PAK3: variants seen among roughly 807,000 people sequenced by gnomAD.
PAK3 encodes the protein serine/threonine-protein kinase PAK 3.
In PAK3, 4 loss-of-function variants were observed where a neutral mutation model predicts 41.0. The ratio of observed to expected loss-of-function variants is 0.10; its 90% confidence interval spans 0.05 to 0.22. The LOEUF (loss-of-function observed/expected upper bound fraction) is 0.22, where lower values mean the gene tolerates loss of function less well. Among genes scored for constraint, PAK3 ranks in the 10% least tolerant of loss-of-function variants. The pLI is 1.00. For synonymous variants in PAK3, 146 were observed against 139.6 expected, an observed-to-expected ratio of 1.05 and a Z score of -0.32; for missense variants, 205 against 409.9, an observed-to-expected ratio of 0.50 and a Z score of 4.32.
At chrX:111,034,376 G>A (rs1477754263) in intron 1 of PAK3, among the ~76,000 whole-genome samples, 1 of 111,649 alleles carries the variant, frequency 9.0e-6, no homozygotes, top group African/African-American at 3.3e-5. Context: ...CCATAAGCAA[G>A]ACTATGGCCC....
At chrX:111,200,191 C>A (rs1253068486) in intron 16 of PAK3, among the ~76,000 whole-genome samples, 1 of 110,993 alleles carries the variant, frequency 9.0e-6, no homozygotes, top group Non-Finnish European at 1.9e-5. Flanking sequence ...ATAAAGCTTG[C>A]AAAATCCATG....
intron 1 of PAK3, among the ~76,000 whole-genome samples, chrX:111,066,994 T>C (rs149507930): frequency 1.8e-5 from 2 of 112,113 alleles, no homozygotes; most frequent in Non-Finnish European, 3.8e-5. Context: ...GGAAAGGTAT[T>C]GATTTTTGTA....
chrX:110,984,519 G>A lies in PAK3; in HGVS notation c.-28+39891G>A, dbSNP rs1205907278. Among the ~76,000 whole-genome samples the A allele has an allele frequency of 2.7e-5, 3 of 111,457 alleles. No individual in the cohort carries two copies. The Admixed American group carries it at 2.8e-4, about 11-fold the overall frequency. ...CAGCTGGAGAGGGGATAGAACAGTGGGGGGCAAAGTGTTGTTGATGGTGCA... is the reference window on the plus strand; with the variant it reads ...CAGCTGGAGAGGGGATAGAACAGTGAGGGGCAAAGTGTTGTTGATGGTGCA... On this transcript the variant is annotated intron_variant, in intron 1 of 14. Coordinates refer to the PAK3 transcript ENST00000425146.
chrX:111,226,622 G>T lies in PAK3; in HGVS notation c.*6175G>T, dbSNP rs2094954478. 1 of 112,265 alleles carries T rather than the reference G, an allele frequency of 8.9e-6. No individual in the cohort carries two copies. 9.3% of individuals were successfully genotyped at this position (112,265 alleles called of 1,213,427 possible). A position where few individuals can be genotyped will look rare whatever the true frequency, so the allele number is the denominator to read the frequency against. ...AAATGTTGACAAATTAATTTGTTGG[G>T]AACCAAAGATAGCATTTCTGATGAC... is the stretch of plus-strand genomic sequence containing the variant. On this transcript the variant is annotated 3_prime_UTR_variant, in exon 18 of 18. Coordinates refer to ENST00000372007, the MANE Select transcript of PAK3 (RefSeq NM_002578.5).
At chrX:111,157,855 G>A (rs1481562684) in intron 8 of PAK3, among the ~76,000 whole-genome samples, 3 of 110,979 alleles carry the variant, frequency 2.7e-5, no homozygotes, top group African/African-American at 6.5e-5. Flanking sequence ...AAATTAGAGT[G>A]TCAAAAATAT....
rs757773636 is a variant in PAK3, at chrX:110,966,013, G to A, written c.-28+21385G>A. 9.8e-5 allele frequency among the ~76,000 whole-genome samples: 11 copies of A among 112,312 alleles called. No homozygotes were observed. The South Asian group carries it at 4.1e-3, about 42-fold the overall frequency. On this transcript the variant is annotated intron_variant, in intron 1 of 14. Transcript: ENST00000425146. ...TTACTGCACAAACTTAAAGTGGAGT[G>A]AGCACAGTGCCTGGCACACATAAAT...
chrX:110,957,651 T>C lies in PAK3; in HGVS notation c.-28+13023T>C, dbSNP rs752157022. 1.6e-4 allele frequency among the ~76,000 whole-genome samples: 18 copies of C among 111,270 alleles called. No homozygotes were observed. In the Admixed American group the frequency reaches 1.6e-3, roughly 10 times the overall value. On this transcript the variant is annotated intron_variant, in intron 1 of 14. Coordinates refer to the PAK3 transcript ENST00000425146. ...AGTGGTGAGTCTTTCTTACCCTGGG[T>C]TGTTTTAGGGATATCTGGGATCAGG...
chrX:111,171,426 C>T (rs2094339619), intron 10 of PAK3, among the ~76,000 whole-genome samples: 1 of 110,131 alleles, frequency 9.1e-6, no homozygotes, highest in African/African-American at 3.4e-5. Context: ...CACCCTTATT[C>T]CCATGATTGT....
chrX:111,099,731 T>G (rs2093088323), intron 3 of PAK3, among the ~76,000 whole-genome samples: 3 of 99,068 alleles, frequency 3.0e-5, no homozygotes, highest in African/African-American at 1.1e-4. Flanking sequence ...CCAAACACAC[T>G]GTCCCAGACA....
In PAK3 at chrX:111,210,161, AG is replaced by A. The variant is rs200784586; in HGVS notation, c.1408-6258del. 9.4e-3 allele frequency among the ~76,000 whole-genome samples: 1,047 copies of A among 111,972 alleles called. 9 individuals carry two copies. The highest frequency in any genetic ancestry group is 0.032 in the African/African-American group (987 of 30,831). On this transcript the variant is annotated intron_variant, in intron 16 of 17. Coordinates refer to ENST00000372007, the MANE Select transcript of PAK3 (RefSeq NM_002578.5). The stretch of plus-strand genomic sequence containing the variant: ...GGTTGTATTTCTAACATTATAAATA[AG>A]GTCCGTAGGTTATGGGGCCTATATT...
intron 10 of PAK3, among the ~76,000 whole-genome samples, chrX:111,170,680 G>A (rs1397800107): frequency 9.0e-6 from 1 of 111,274 alleles, no homozygotes; most frequent in Admixed American, 9.6e-5. Context: ...TCAGTGAAAT[G>A]ATCAGAGAAG....
intron 11 of PAK3, among the ~76,000 whole-genome samples, chrX:111,191,003 C>G (rs910191768): frequency 8.9e-6 from 1 of 111,994 alleles, no homozygotes; most frequent in Non-Finnish European, 1.9e-5. Flanking sequence ...GCTTACTATA[C>G]AATTTCTATT....
At position 111,125,779 on chromosome X, in the gene PAK3, A is replaced by G. The variant is rs776780103; in HGVS notation, c.175+2501A>G. On this transcript the variant is annotated intron_variant, in intron 5 of 17. Transcript: ENST00000372007. The stretch of plus-strand genomic sequence containing the variant: ...TAATTAGACTCTAATAAAAGGTCCT[A>G]TGAGACTTTCTAAAAGACTATATTG... Among the ~76,000 whole-genome samples the G allele has an allele frequency of 3.6e-5, 4 of 111,856 alleles. No individual in the cohort carries two copies. In the East Asian group the frequency reaches 1.1e-3, roughly 32 times the overall value.
chrX:111,011,597 G>A (rs749267300), intron 1 of PAK3, among the ~76,000 whole-genome samples: 10 of 112,480 alleles, frequency 8.9e-5, no homozygotes, highest in Non-Finnish European at 1.3e-4. Flanking sequence ...ATTATTAAGT[G>A]TTTTCAGAAA....
chrX:111,043,697 T>G (rs1340916648), intron 1 of PAK3, among the ~76,000 whole-genome samples: 1 of 112,198 alleles, frequency 8.9e-6, no homozygotes, highest in Non-Finnish European at 1.9e-5. Context: ...GTTTACTAAT[T>G]AAGTTTTCCT....
chrX:110,998,920 C>T (rs1239543754), intron 1 of PAK3, among the ~76,000 whole-genome samples: 1 of 112,264 alleles, frequency 8.9e-6, no homozygotes, highest in Non-Finnish European at 1.9e-5. Context: ...TCCTGCCACA[C>T]TCCTGGCATA....
intron 5 of PAK3, among the ~76,000 whole-genome samples, chrX:111,141,472 G>A (rs1410464775): frequency 9.0e-6 from 1 of 111,708 alleles, no homozygotes; most frequent in Non-Finnish European, 1.9e-5. Context: ...AAAAAAAGCA[G>A]CAATTTGTAG....
chrX:111,173,137 A>G, intron 11 of PAK3, 56 bp downstream of exon 11: 2 of 598,891 alleles, frequency 3.3e-6, no homozygotes, highest in Non-Finnish European at 5.7e-6. Flanking sequence ...ATACATTAAA[A>G]TTAAAATTCA....
chrX:110,958,413 G>A (rs1602536899), intron 1 of PAK3, among the ~76,000 whole-genome samples: 1 of 111,523 alleles, frequency 9.0e-6, no homozygotes, highest in African/African-American at 3.3e-5. Context: ...GAGAAAGAGG[G>A]GCAAGCTAGG....
Sources: gnomAD v4.1 joint callset for allele counts (sites outside exome capture counted in the v4.1 genomes callset) on GRCh38, gnomAD v4.1.1 for gene constraint, MANE v1.5 for transcripts, NCBI Gene and HGNC (gene_info 2026-07-23, HGNC 2026-07-21) for gene names.